TMTC4: variants seen among roughly 807,000 people sequenced by gnomAD.
The protein encoded by TMTC4 is protein O-mannosyl-transferase TMTC4.
In TMTC4, 65 loss-of-function variants were observed where a neutral mutation model predicts 86.0. The ratio of observed to expected loss-of-function variants is 0.76; its 90% CI spans 0.62 to 0.93. The LOEUF is 0.93. TMTC4 is among the 40% of genes least tolerant of loss of function. The pLI is 0.00. For synonymous variants in TMTC4, 379 were observed against 382.5 expected, an observed-to-expected ratio of 0.99 and a Z score of 0.11; for missense variants, 866 against 948.1, an observed-to-expected ratio of 0.91 and a Z score of 1.14.
intron 3 of TMTC4, among the ~76,000 whole-genome samples, chr13:100,667,383 C>A (rs556719967): frequency 6.6e-6 from 1 of 151,600 alleles, no homozygotes; most frequent in East Asian, 2.0e-4. Flanking sequence ...GAGCCAAAAT[C>A]GTGACACTGT....
intron 12 of TMTC4, among the ~76,000 whole-genome samples, chr13:100,626,854 G>A (rs954787993): frequency 2.6e-5 from 4 of 152,158 alleles, no homozygotes; most frequent in African/African-American, 9.7e-5. Flanking sequence ...TCAAAATTCA[G>A]ATGTTGAAAT....
intron 15 of TMTC4, chr13:100,625,159 G>A (rs1307092861): frequency 1.8e-5 from 4 of 224,972 alleles, no homozygotes; most frequent in East Asian, 2.3e-4. Flanking sequence ...ATCATACTAC[G>A]GATTTGTTAC....
intron 7 of TMTC4, among the ~76,000 whole-genome samples, chr13:100,639,628 T>C (rs148688637): frequency 1.3e-5 from 2 of 152,260 alleles, no homozygotes; most frequent in Non-Finnish European, 2.9e-5. Context: ...AACCGAACTC[T>C]CTCCTGCTCC....
chr13:100,638,969 A>G (rs1882641077), intron 7 of TMTC4, among the ~76,000 whole-genome samples: 1 of 152,242 alleles, frequency 6.6e-6, no homozygotes, highest in Non-Finnish European at 1.5e-5. Flanking sequence ...TTAAACCTGT[A>G]GTTACAGGCG....
chr13:100,630,715 G>A (rs1474878379), intron 12 of TMTC4, among the ~76,000 whole-genome samples: 1 of 152,146 alleles, frequency 6.6e-6, no homozygotes, highest in Non-Finnish European at 1.5e-5. Flanking sequence ...CCAAGCTCCT[G>A]CTGTTTTCCT....
At chr13:100,672,566 C>G (rs1385561794) in intron 1 of TMTC4, among the ~76,000 whole-genome samples, 1 of 152,188 alleles carries the variant, frequency 6.6e-6, no homozygotes, top group Non-Finnish European at 1.5e-5. Context: ...TCATAGCTCA[C>G]CACAGCTTCA....
At chr13:100,620,772 T>TG (rs1879345515) in intron 15 of TMTC4, among the ~76,000 whole-genome samples, 1 of 152,190 alleles carries the variant, frequency 6.6e-6, no homozygotes, top group South Asian at 2.1e-4. Flanking sequence ...CTCTCCATAT[T>TG]GGGGTCTAGA....
chr13:100,614,373 G>A lies in TMTC4; in HGVS notation c.1894C>T (p.Leu632=). Residue 632 remains leucine, a synonymous_variant, in exon 16 of 19, where the codon CTG becomes TTG. Coordinates refer to ENST00000342624, the MANE Select transcript of TMTC4 (RefSeq NM_032813.5). ...CAGGCCAGGCTGTGCTCTGGTTTCAGCACGGTGGCATTTCTCCACGCATTC... is the reference window on the plus strand; with the variant it reads ...CAGGCCAGGCTGTGCTCTGGTTTCAACACGGTGGCATTTCTCCACGCATTC... ...ALNAWRNATV[L]KPEHSLAWNN... is the part of the protein sequence containing the mutation. 4 of 1,613,626 alleles carry A rather than the reference G, an allele frequency of 2.5e-6. No individual in the cohort carries two copies. The highest frequency in any genetic ancestry group is 2.5e-6 in the Non-Finnish European group (3 of 1,179,948).
At position 100,634,840 on chromosome 13, in the gene TMTC4, T is replaced by C; in HGVS notation, c.1471A>G (p.Arg491Gly). 6.2e-7 allele frequency: 1 copy of C among 1,614,188 alleles called. No homozygotes were observed. The highest frequency in any genetic ancestry group is 8.5e-7 in the Non-Finnish European group (1 of 1,180,030). Residue 491 changes from arginine to glycine, a missense_variant, in exon 12 of 19, where the codon AGA becomes GGA. Physicochemically the swap from Arg to Gly is moderately radical, Grantham distance 125 (BLOSUM62 -2). Transcript: ENST00000342624. ...GEWRSEEQLFRSALSVCPLNA... is the reference protein window; with the variant it reads ...GEWRSEEQLFGSALSVCPLNA... ...AGGGGACACACAGACAGAGCACTTC[T>C]GAAAAGCTGTTCCTCACTCCGCCAC...
intron 7 of TMTC4, among the ~76,000 whole-genome samples, chr13:100,641,706 C>T (rs1594315456): frequency 6.6e-6 from 1 of 152,214 alleles, no homozygotes; most frequent in Non-Finnish European, 1.5e-5. Flanking sequence ...AGGCTGGTTT[C>T]GAACTCCCGA....
At chr13:100,615,459 C>CA (rs1307906870) in intron 15 of TMTC4, among the ~76,000 whole-genome samples, 2 of 139,708 alleles carry the variant, frequency 1.4e-5, no homozygotes, top group East Asian at 4.4e-4. Context: ...TATTTAGAAA[C>CA]AGAGTCTCGC....
chr13:100,625,928 T>C, intron 13 of TMTC4, 36 bp from the exon 14 acceptor site: 1 of 1,603,068 alleles, frequency 6.2e-7, no homozygotes, highest in Non-Finnish European at 8.5e-7. Flanking sequence ...GACCATTAAA[T>C]GCTCAATAGT....
chr13:100,606,053 G>A (rs1480298420), intron 18 of TMTC4, among the ~76,000 whole-genome samples: 1 of 152,140 alleles, frequency 6.6e-6, no homozygotes, highest in African/African-American at 2.4e-5. Flanking sequence ...AGAACTCTTC[G>A]CAACCATAGC....
At chr13:100,611,858 C>A (rs1877633890) in intron 17 of TMTC4, among the ~76,000 whole-genome samples, 1 of 152,192 alleles carries the variant, frequency 6.6e-6, no homozygotes, top group South Asian at 2.1e-4. Context: ...CTGGGCCTTG[C>A]TGGTGGCCTA....
intron 15 of TMTC4, 80 bp from the exon 16 acceptor site, chr13:100,614,510 A>T: frequency 9.0e-7 from 1 of 1,113,628 alleles, no homozygotes; most frequent in Admixed American, 2.5e-5. Context: ...AAAAAAAAAA[A>T]AAGAAAGAAA....
At chr13:100,644,046 C>CT (rs1171914271) in intron 6 of TMTC4, among the ~76,000 whole-genome samples, 1 of 151,780 alleles carries the variant, frequency 6.6e-6, no homozygotes, top group Non-Finnish European at 1.5e-5. Flanking sequence ...GATGGAAGGC[C>CT]TTCCTGTCCT....
chr13:100,625,388 T>G (rs950986564), intron 15 of TMTC4, 147 bp downstream of exon 15: 1 of 1,128,038 alleles, frequency 8.9e-7, no homozygotes, highest in Non-Finnish European at 1.3e-6. Context: ...CAAAAGGAAA[T>G]CAAATAGCTA....
Position 100,623,756 on chromosome 13 carries a change from C to A in TMTC4, c.1836+1779G>T. ...TTTTGAGTAACTTGGTGCAGGCGCT[C>A]AATGCACCAGCTGATGGGTACCAGC... On this transcript the variant is annotated intron_variant, in intron 15 of 18. Transcript: ENST00000342624. 3 of 210,820 alleles carry A rather than the reference C, an allele frequency of 1.4e-5. No homozygotes were observed. In the South Asian group the frequency reaches 2.2e-4, roughly 15 times the overall value. 13.1% of individuals were successfully genotyped at this position (210,820 alleles called of 1,614,324 possible). A position where few individuals can be genotyped will look rare whatever the true frequency, so the allele number is the denominator to read the frequency against.
In TMTC4 at chr13:100,625,606, C is replaced by G. The variant is rs1880366882; in HGVS notation, c.1765G>C (p.Glu589Gln). The G allele has an allele frequency of 6.2e-7, 1 of 1,614,080 alleles. No homozygotes were observed. The highest frequency in any genetic ancestry group is 1.3e-5 in the African/African-American group (1 of 74,938). The change falls in exon 15 of 19, where the codon GAG becomes CAG. Residue 589 changes from glutamate to glutamine, a missense_variant. Glu to Gln is a conservative substitution (Grantham distance 29). Coordinates refer to ENST00000342624, the MANE Select transcript of TMTC4 (RefSeq NM_032813.5). ...QNSLKRFEAA[E>Q]QSYRTAIKHR... Reference sequence around the variant, plus strand: ...TTAATTGCTGTCCGGTAACTTTGCTCTGCTGCTTCAAACCGTTTCAGGCTA... The same window carrying G: ...TTAATTGCTGTCCGGTAACTTTGCTGTGCTGCTTCAAACCGTTTCAGGCTA...
Sources: gnomAD v4.1 joint callset for allele counts (sites outside exome capture counted in the v4.1 genomes callset) on GRCh38, gnomAD v4.1.1 for gene constraint, MANE v1.5 for transcripts, NCBI Gene and HGNC (gene_info 2026-07-23, HGNC 2026-07-21) for gene names.